The following NCAM2 variants were observed in gnomAD, a reference collection of about 807,000 sequenced individuals.
The protein encoded by NCAM2 is neural cell adhesion molecule 2.
Under a neutral mutation model 98.1 loss-of-function variants are expected in NCAM2, and 30 were observed. The ratio of observed to expected loss-of-function variants is 0.31; its 90% confidence interval spans 0.23 to 0.41. The LOEUF (loss-of-function observed/expected upper bound fraction) is 0.41. NCAM2 is among the 10% of genes least tolerant of loss of function. The pLI, the probability that NCAM2 is intolerant of heterozygous loss-of-function variation, is 1.00. For missense variants in NCAM2, 867 were observed against 1,005.8 expected (o/e 0.86, Z 1.87); for synonymous variants, 368 against 342.4 (o/e 1.07, Z -0.83).
At position 21,108,633 on chromosome 21, in the gene NCAM2, GT is replaced by G. The variant is rs928250260; in HGVS notation, c.55+110017del. 2.6e-5 allele frequency among the ~76,000 whole-genome samples: 4 copies of G among 152,008 alleles called. 1 individual carries two copies. Among genetic ancestry groups the G allele is most frequent in the Non-Finnish European group, 5.9e-5 (4 of 67,952 alleles). Reference sequence around the variant, plus strand: ...AGATGGATTTTTCAAATTCTAATTTGTTGTGAATAATAATGTTCAGCAGAAG... The same window carrying G: ...AGATGGATTTTTCAAATTCTAATTTGTGTGAATAATAATGTTCAGCAGAAG... On this transcript the variant is annotated intron_variant, in intron 1 of 17. Transcript: ENST00000400546.
intron 5 of NCAM2, among the ~76,000 whole-genome samples, chr21:21,307,573 G>T (rs549413490): frequency 6.6e-6 from 1 of 152,062 alleles, no homozygotes; most frequent in Non-Finnish European, 1.5e-5. Flanking sequence ...TTTTCTGGAG[G>T]CTCTGAGGCA....
intron 1 of NCAM2, among the ~76,000 whole-genome samples, chr21:21,092,448 A>G (rs1484028324): frequency 6.6e-6 from 1 of 152,034 alleles, no homozygotes; most frequent in Admixed American, 6.6e-5. Context: ...GAATAATATT[A>G]TTAATTTTAT....
At chr21:21,371,400 G>T (rs748805856) in intron 8 of NCAM2, among the ~76,000 whole-genome samples, 3 of 151,862 alleles carry the variant, frequency 2.0e-5, no homozygotes, top group Non-Finnish European at 4.4e-5. Context: ...TAGGAATGAG[G>T]CAAACAGAAT....
intron 1 of NCAM2, among the ~76,000 whole-genome samples, chr21:21,098,975 G>A (rs1251040633): frequency 6.6e-6 from 1 of 151,774 alleles, no homozygotes; most frequent in Non-Finnish European, 1.5e-5. Context: ...CTTATAAAAA[G>A]CTAAGAATCA....
At chr21:21,139,238 C>A (rs192090305) in intron 1 of NCAM2, among the ~76,000 whole-genome samples, 27 of 152,154 alleles carry the variant, frequency 1.8e-4, no homozygotes, top group Non-Finnish European at 3.4e-4. Context: ...CAAGGCTTGG[C>A]GAAGGCCACC....
intron 12 of NCAM2, among the ~76,000 whole-genome samples, chr21:21,456,872 C>A (rs1034982848): frequency 1.4e-4 from 22 of 152,286 alleles, no homozygotes; most frequent in African/African-American, 5.1e-4. Flanking sequence ...TATAAGCCAA[C>A]AACCAGGCCC....
At chr21:21,179,170 A>G (rs1191857551) in intron 1 of NCAM2, among the ~76,000 whole-genome samples, 2 of 152,118 alleles carry the variant, frequency 1.3e-5, no homozygotes, top group Admixed American at 6.6e-5. Context: ...AAGATTTAAG[A>G]TTCATTCTAA....
chr21:21,459,657 C>T (rs981732625), intron 12 of NCAM2, among the ~76,000 whole-genome samples: 6 of 151,066 alleles, frequency 4.0e-5, no homozygotes, highest in African/African-American at 7.3e-5. Context: ...CATGATCTCA[C>T]TTATATGTGG....
Position 21,398,428 on chromosome 21 carries a change from TAAAAAGA to T in NCAM2, c.1196-11844_1196-11838del, listed in dbSNP as rs1312370699. Among the ~76,000 whole-genome samples the T allele has an allele frequency of 4.0e-5, 6 of 151,812 alleles. No homozygotes were observed. The East Asian group carries it at 7.8e-4, about 20-fold the overall frequency. On this transcript the variant is annotated intron_variant, in intron 9 of 17. Coordinates refer to ENST00000400546, the MANE Select transcript of NCAM2 (RefSeq NM_004540.5). ...ACCTATTGAAATAAAAAATTAAAATTAAAAAGAAGAAAAAAGGTGATTAGGCAGATTG... is the reference window on the plus strand; with the variant it reads ...ACCTATTGAAATAAAAAATTAAAATTAGAAAAAAGGTGATTAGGCAGATTG...
chr21:21,533,166 C>CTTTTTTTTT lies in NCAM2; in HGVS notation c.2283-1366_2283-1358dup, dbSNP rs201532023. On this transcript the variant is annotated intron_variant, in intron 16 of 17. Transcript: ENST00000400546. ...CCATTGTAGATTTGTTGTTTGCTTG[C>CTTTTTTTTT]TTTTTTTTTTTTTGGTAATCCTAGT... 2.2e-3 allele frequency among the ~76,000 whole-genome samples: 208 copies of CTTTTTTTTT among 93,774 alleles called. 19 individuals carry two copies. The highest frequency in any genetic ancestry group is 8.1e-3 in the African/African-American group (195 of 24,022). The allele number at this position is 93,774 out of a possible 152,430, so 61.5% of individuals were successfully genotyped here. A position where few individuals can be genotyped will look rare whatever the true frequency, so the allele number is the denominator to read the frequency against.
At chr21:21,361,451 A>G (rs1299415677) in intron 8 of NCAM2, among the ~76,000 whole-genome samples, 1 of 149,988 alleles carries the variant, frequency 6.7e-6, no homozygotes, top group East Asian at 2.0e-4. Flanking sequence ...CTTCTAGTGA[A>G]CTCTCTTGGT....
chr21:21,380,936 A>G (rs1196858809), intron 9 of NCAM2, among the ~76,000 whole-genome samples: 1 of 152,156 alleles, frequency 6.6e-6, no homozygotes, highest in Non-Finnish European at 1.5e-5. Flanking sequence ...CTCACTTGAC[A>G]TATCTTAGCT....
Position 21,351,919 on chromosome 21 carries a change from T to G in NCAM2, c.1044+13385T>G, listed in dbSNP as rs115401345. Among the ~76,000 whole-genome samples, 552 of 152,116 alleles carry G rather than the reference T, an allele frequency of 3.6e-3. 4 individuals are homozygous for G. Among genetic ancestry groups the G allele is most frequent in the African/African-American group, 0.012 (494 of 41,504 alleles). On this transcript the variant is annotated intron_variant, in intron 8 of 17. Coordinates refer to ENST00000400546, the MANE Select transcript of NCAM2 (RefSeq NM_004540.5). ...ACGCCATCACGCCCGGCTAATTTTTTTATTATTATTACTAGAGACAGGGTT... is the reference window on the plus strand; with the variant it reads ...ACGCCATCACGCCCGGCTAATTTTTGTATTATTATTACTAGAGACAGGGTT...
At chr21:21,394,290 G>C (rs1218557034) in intron 9 of NCAM2, among the ~76,000 whole-genome samples, 1 of 151,866 alleles carries the variant, frequency 6.6e-6, no homozygotes, top group East Asian at 1.9e-4. Flanking sequence ...CTGGATCTAT[G>C]AAATCATTAA....
chr21:21,418,459 TATA>T lies in NCAM2; in HGVS notation c.1384-11_1384-9del. Reference sequence around the variant, plus strand: ...GTTTTAGAATTGTAACATTTGTTATTATAATTATTTCAGATTGCACCTACATCT... The same window carrying T: ...GTTTTAGAATTGTAACATTTGTTATTATTATTTCAGATTGCACCTACATCT... On this transcript the variant is annotated splice_polypyrimidine_tract_variant and intron_variant, in intron 10 of 17. Transcript: ENST00000400546. 1.3e-6 allele frequency: 2 copies of T among 1,570,726 alleles called. No homozygotes were observed. Among genetic ancestry groups the T allele is most frequent in the Non-Finnish European group, 1.8e-6 (2 of 1,141,804 alleles).
At chr21:21,406,183 G>C (rs548764994) in intron 9 of NCAM2, among the ~76,000 whole-genome samples, 13 of 152,284 alleles carry the variant, frequency 8.5e-5, no homozygotes, top group African/African-American at 3.1e-4. Flanking sequence ...CAATAGAAGA[G>C]AGAGATTGAG....
chr21:21,195,396 A>C (rs965301617), intron 1 of NCAM2, among the ~76,000 whole-genome samples: 1 of 152,218 alleles, frequency 6.6e-6, no homozygotes, highest in Non-Finnish European at 1.5e-5. Context: ...ACAGAAGTAC[A>C]TGCATAAGAA....
chr21:21,339,833 A>G (rs751517059), intron 8 of NCAM2, among the ~76,000 whole-genome samples: 2 of 151,960 alleles, frequency 1.3e-5, no homozygotes, highest in Middle Eastern at 7.2e-3. Flanking sequence ...GTGTTATCAT[A>G]TATGTTACCC....
intron 1 of NCAM2, among the ~76,000 whole-genome samples, chr21:21,162,141 A>G (rs73894489): frequency 1.0e-3 from 153 of 152,218 alleles, no homozygotes; most frequent in African/African-American, 3.4e-3. Context: ...AATTCACCTC[A>G]TAGTACTTAA....
Sources: gnomAD v4.1 joint callset for allele counts (sites outside exome capture counted in the v4.1 genomes callset) on GRCh38, gnomAD v4.1.1 for gene constraint, MANE v1.5 for transcripts, NCBI Gene and HGNC (gene_info 2026-07-23, HGNC 2026-07-21) for gene names.